Variants in DNAH11 observed in about 807,000 individuals in gnomAD.
DNAH11 encodes dynein axonemal heavy chain 11.
Under a neutral mutation model 526.0 loss-of-function variants are expected in DNAH11, and 442 were observed. The ratio of observed to expected loss-of-function variants is 0.84; its 90% CI spans 0.78 to 0.91. The LOEUF is 0.91. Ranked by LOEUF, DNAH11 falls within the 40% of genes least tolerant of loss-of-function variation. DNAH11 has a pLI of 0.00. For synonymous variants in DNAH11, 2,461 were observed against 1,935.9 expected (o/e 1.27, Z -7.12); for missense variants, 6,989 against 5,448.7 (o/e 1.28, Z -8.90).
chr7:21,828,380 A>G (rs1397433386), intron 65 of DNAH11, among the ~76,000 whole-genome samples: 1 of 152,216 alleles, frequency 6.6e-6, no homozygotes, highest in Non-Finnish European at 1.5e-5. Flanking sequence ...AGTCTGTTCT[A>G]ATTTCCAAAT....
At chr7:21,744,686 G>A (rs1447852335) in intron 50 of DNAH11, 87 bp downstream of exon 50, 52 of 1,534,594 alleles carry the variant, frequency 3.4e-5, no homozygotes, top group South Asian at 1.9e-4. Flanking sequence ...TGAGAGAAGT[G>A]CACAAGGGCT....
chr7:21,871,391 T>G (rs1783489915), intron 73 of DNAH11, among the ~76,000 whole-genome samples: 1 of 152,240 alleles, frequency 6.6e-6, no homozygotes, highest in East Asian at 1.9e-4. Context: ...CCAAAGCCAG[T>G]ACCCTCAAGA....
Position 21,588,321 on chromosome 7 carries a change from T to C in DNAH11, c.1848+120T>C, listed in dbSNP as rs549769971. 10 of 1,372,310 alleles carry C rather than the reference T, an allele frequency of 7.3e-6. No homozygotes were observed. The African/African-American group carries it at 1.3e-4, about 18-fold the overall frequency. 85.0% of individuals were successfully genotyped at this position (1,372,310 alleles called of 1,614,324 possible). On this transcript the variant is annotated intron_variant, in intron 10 of 81. Coordinates refer to ENST00000409508, the MANE Select transcript of DNAH11 (RefSeq NM_001277115.2). ...ATATAGGCACTACATTTTTGTGCTT[T>C]TATTTAACTGGTTTCCTCATGGAGA...
At chr7:21,842,799 A>T in intron 66 of DNAH11, 51 bp downstream of exon 66, 1 of 1,459,056 alleles carries the variant, frequency 6.9e-7, no homozygotes, top group Non-Finnish European at 9.3e-7. Flanking sequence ...TGCTTTGCAC[A>T]AATCACAGTG....
intron 8 of DNAH11, among the ~76,000 whole-genome samples, chr7:21,581,642 G>A (rs1269679133): frequency 6.6e-6 from 1 of 152,214 alleles, no homozygotes; most frequent in African/African-American, 2.4e-5. Context: ...AAGCACTGCT[G>A]TTGAGGCCTG....
At chr7:21,887,680 C>A (rs1318809392) in intron 76 of DNAH11, among the ~76,000 whole-genome samples, 1 of 152,084 alleles carries the variant, frequency 6.6e-6, no homozygotes. Context: ...ATAAAGTATA[C>A]ATTTTCATTA....
At chr7:21,651,660 A>G (rs1283444221) in intron 28 of DNAH11, among the ~76,000 whole-genome samples, 1 of 152,198 alleles carries the variant, frequency 6.6e-6, no homozygotes, top group African/African-American at 2.4e-5. Context: ...AAGTTCTTTT[A>G]TTTCATAAGA....
intron 64 of DNAH11, among the ~76,000 whole-genome samples, 155 bp downstream of exon 64, chr7:21,816,857 G>C (rs1789818967): frequency 6.6e-6 from 1 of 152,148 alleles, no homozygotes; most frequent in African/African-American, 2.4e-5. Flanking sequence ...TTCATATAAA[G>C]TATCTCTGTT....
At chr7:21,543,828 C>T (rs796480987) in intron 1 of DNAH11, 52 of 561,590 alleles carry the variant, frequency 9.3e-5, no homozygotes, top group African/African-American at 8.6e-4. Flanking sequence ...ACCGAGAATC[C>T]CGCGTTGAGC....
chr7:21,883,575 T>C (rs1365618104), intron 75 of DNAH11, among the ~76,000 whole-genome samples: 1 of 152,236 alleles, frequency 6.6e-6, no homozygotes, highest in Non-Finnish European at 1.5e-5. Flanking sequence ...TGTGTGGATG[T>C]TGCTTTCTTT....
chr7:21,550,132 T>TA (rs1377272449), intron 2 of DNAH11, among the ~76,000 whole-genome samples: 1 of 151,490 alleles, frequency 6.6e-6, no homozygotes, highest in Admixed American at 6.6e-5. Context: ...TTCGTCTTTT[T>TA]TTCTCCCTTC....
intron 6 of DNAH11, among the ~76,000 whole-genome samples, chr7:21,565,623 C>T (rs56330136): frequency 2.5e-3 from 374 of 152,230 alleles, no homozygotes; most frequent in African/African-American, 8.6e-3. Flanking sequence ...AGGCTTTGGA[C>T]CTAGACCAAC....
chr7:21,643,283 T>A (rs1787203254), intron 28 of DNAH11, among the ~76,000 whole-genome samples: 1 of 152,250 alleles, frequency 6.6e-6, no homozygotes, highest in Non-Finnish European at 1.5e-5. Flanking sequence ...CCTTTCAGGT[T>A]GTTATATACT....
At chr7:21,759,710 C>G (rs1319604287) in intron 54 of DNAH11, among the ~76,000 whole-genome samples, 3 of 152,130 alleles carry the variant, frequency 2.0e-5, no homozygotes, top group African/African-American at 7.2e-5. Context: ...GTGACTGTAG[C>G]AATTCACATT....
At chr7:21,881,004 C>T (rs1783904900) in intron 75 of DNAH11, 111 bp downstream of exon 75, 4 of 987,166 alleles carry the variant, frequency 4.1e-6, no homozygotes, top group Admixed American at 3.2e-5. Flanking sequence ...ATTGAAATAG[C>T]TGACACTATG....
chr7:21,901,249 G>A lies in DNAH11; in HGVS notation c.13546G>A (p.Ala4516Thr). ...VLAGVALLLE[A>T] ...GGCTGGAGTGGCTCTGCTTCTAGAA[G>A]CGTAAGGTAACACTGGCATTCCTCT... Residue 4516 changes from alanine (A) to threonine (T), a missense_variant, in exon 82 of 82, where the codon GCG (alanine) becomes ACG (threonine). Coordinates refer to ENST00000409508, the MANE Select transcript of DNAH11 (RefSeq NM_001277115.2). 1 of 1,603,044 alleles carries A rather than the reference G, an allele frequency of 6.2e-7. No homozygotes were observed. The highest frequency in any genetic ancestry group is 8.5e-7 in the Non-Finnish European group (1 of 1,174,618).
intron 47 of DNAH11, 51 bp downstream of exon 47, chr7:21,738,917 G>T: frequency 7.6e-7 from 1 of 1,314,624 alleles, no homozygotes; most frequent in South Asian, 1.6e-5. Context: ...TAATTATTAT[G>T]GATAATAATT....
chr7:21,609,569 GA>G (rs10719108), intron 20 of DNAH11, among the ~76,000 whole-genome samples: 69,393 of 151,638 alleles, frequency 0.46, 16,733 homozygotes, highest in East Asian at 0.8. Flanking sequence ...TAAGTGATAG[GA>G]AAAAAAACGA....
chr7:21,625,650 T>G (rs903122708), intron 25 of DNAH11, among the ~76,000 whole-genome samples: 4 of 152,166 alleles, frequency 2.6e-5, no homozygotes, highest in Non-Finnish European at 5.9e-5. Flanking sequence ...AAAACTTCCC[T>G]CTTAGAACTG....
Sources: gnomAD v4.1 joint callset for allele counts (sites outside exome capture counted in the v4.1 genomes callset) on GRCh38, gnomAD v4.1.1 for gene constraint, MANE v1.5 for transcripts, NCBI Gene and HGNC (gene_info 2026-07-23, HGNC 2026-07-21) for gene names.